Variants in CSTPP1 observed in about 807,000 individuals in gnomAD.
CSTPP1 encodes centriolar satellite-associated tubulin polyglutamylase complex regulator 1, also known as UPF0705 protein C11orf49.
At chr11:46,996,843 G>A in the CSTPP1 span, among the ~76,000 whole-genome samples, 1 of 152,136 alleles carries the variant, frequency 6.6e-6, no homozygotes, top group Non-Finnish European at 1.5e-5. Flanking sequence ...TGAAATTCTG[G>A]GTTGAAAATT....
the CSTPP1 span, among the ~76,000 whole-genome samples, chr11:47,144,504 G>T: frequency 1.3e-5 from 2 of 152,020 alleles, no homozygotes; most frequent in South Asian, 4.1e-4. Flanking sequence ...GTAATTTCTT[G>T]CTGTTACAAT....
chr11:47,052,583 CTCTCTCTCTCTTTCTT>C, the CSTPP1 span: 326 of 1,499,098 alleles, frequency 2.2e-4, no homozygotes, highest in Admixed American at 2.7e-3. Flanking sequence ...TCCTTCCTTC[CTCTCTCTCTCTTTCTT>C]TCTCTCTCTC....
the CSTPP1 span, among the ~76,000 whole-genome samples, chr11:47,012,898 T>C: frequency 6.6e-6 from 1 of 151,556 alleles, no homozygotes; most frequent in East Asian, 1.9e-4. Flanking sequence ...ATGTTAAACT[T>C]AAAACAGAAA....
chr11:46,976,970 A>C, the CSTPP1 span, among the ~76,000 whole-genome samples: 1 of 152,210 alleles, frequency 6.6e-6, no homozygotes, highest in African/African-American at 2.4e-5. Context: ...ATCGTATTTC[A>C]CTTTGAAGGA....
chr11:47,056,006 C>T, the CSTPP1 span, among the ~76,000 whole-genome samples: 1 of 152,166 alleles, frequency 6.6e-6, no homozygotes, highest in Non-Finnish European at 1.5e-5. Flanking sequence ...CTTTCCCAGT[C>T]CCTCACTCAG....
At chr11:47,117,938 G>A in the CSTPP1 span, among the ~76,000 whole-genome samples, 1 of 139,712 alleles carries the variant, frequency 7.2e-6, no homozygotes, top group South Asian at 2.3e-4. Context: ...AGAGTGCAAT[G>A]GCACGATCTT....
At chr11:46,936,968 G>A in the CSTPP1 span, 6 of 1,266,334 alleles carry the variant, frequency 4.7e-6, no homozygotes, top group Non-Finnish European at 6.2e-6. Context: ...ATGGGGAGGG[G>A]CGGAGAGGCG....
chr11:47,039,438 C>T, the CSTPP1 span, among the ~76,000 whole-genome samples: 606 of 127,160 alleles, frequency 4.8e-3, 51 homozygotes, highest in African/African-American at 0.014. Context: ...GCTTCAGCTC[C>T]GCATCAGAGG....
the CSTPP1 span, among the ~76,000 whole-genome samples, chr11:47,148,657 T>C: frequency 2.0e-5 from 3 of 152,222 alleles, no homozygotes; most frequent in Non-Finnish European, 2.9e-5. Flanking sequence ...TTTTGGGCTC[T>C]CCCAGCACTT....
the CSTPP1 span, among the ~76,000 whole-genome samples, chr11:47,013,000 T>C: frequency 0.03 from 2,566 of 86,708 alleles, 71 homozygotes; most frequent in African/African-American, 0.087. Flanking sequence ...AATGGTTATA[T>C]ATATATTTTA....
chr11:47,101,198 T>TTTTTTTTTTTTTG, the CSTPP1 span, among the ~76,000 whole-genome samples: 1 of 138,606 alleles, frequency 7.2e-6, no homozygotes. Context: ...TTATTTTATT[T>TTTTTTTTTTTTTG]TTAGTAGAGA....
At chr11:47,160,970 G>GT in the CSTPP1 span, 1 of 894,376 alleles carries the variant, frequency 1.1e-6, no homozygotes, top group Non-Finnish European at 1.7e-6. Flanking sequence ...TTCCTGCTCC[G>GT]TGACTGTTCT....
At chr11:47,072,569 G>C in the CSTPP1 span, among the ~76,000 whole-genome samples, 2 of 152,244 alleles carry the variant, frequency 1.3e-5, no homozygotes, top group Admixed American at 1.3e-4. Flanking sequence ...CAGGAAAGAT[G>C]TATAACAAAA....
At chr11:47,099,086 C>T in the CSTPP1 span, among the ~76,000 whole-genome samples, 1 of 152,072 alleles carries the variant, frequency 6.6e-6, no homozygotes, top group Non-Finnish European at 1.5e-5. Flanking sequence ...TCTAAAAGCG[C>T]TTCTGAAAAC....
the CSTPP1 span, chr11:46,936,924 G>T: frequency 7.0e-7 from 1 of 1,426,256 alleles, no homozygotes; most frequent in Admixed American, 2.8e-5. Flanking sequence ...GAGGAGGCGG[G>T]GGCGGGGTCT....
the CSTPP1 span, among the ~76,000 whole-genome samples, chr11:47,122,068 T>TAAAAAAAA: frequency 7.6e-4 from 4 of 5,278 alleles, no homozygotes; most frequent in African/African-American, 4.8e-3. Flanking sequence ...AGACCCTGTC[T>TAAAAAAAA]CAAAAAAAAA....
the CSTPP1 span, chr11:47,156,883 T>C: frequency 1.3e-6 from 1 of 777,982 alleles, no homozygotes; most frequent in Non-Finnish European, 2.0e-6. Context: ...TGAGAACTTC[T>C]GCTCTCAGGA....
chr11:46,950,591 A>T, the CSTPP1 span, among the ~76,000 whole-genome samples: 1 of 151,918 alleles, frequency 6.6e-6, no homozygotes, highest in Non-Finnish European at 1.5e-5. Context: ...ATACTGTCTT[A>T]AGTAGAAACT....
the CSTPP1 span, among the ~76,000 whole-genome samples, chr11:47,017,601 G>C: frequency 6.6e-6 from 1 of 151,390 alleles, no homozygotes; most frequent in African/African-American, 2.4e-5. Flanking sequence ...CCACTGATTT[G>C]TTCTCCATCA....
Sources: allele counts gnomAD v4.1 joint callset (sites outside exome capture counted in the v4.1 genomes callset), GRCh38; gene constraint gnomAD v4.1.1; transcripts MANE v1.5; gene names NCBI Gene and HGNC (gene_info 2026-07-23, HGNC 2026-07-21).